FGGY: variants seen among roughly 807,000 people sequenced by gnomAD.
The protein encoded by FGGY is FGGY carbohydrate kinase domain-containing protein.
Under a neutral mutation model 71.3 loss-of-function variants are expected in FGGY, and 72 were observed. The observed-to-expected ratio is 1.01, with a 90% CI of 0.84 to 1.23. The LOEUF is 1.23. Among genes scored for constraint, FGGY ranks in the 50% most tolerant of loss-of-function variants. The pLI is 0.00. For missense variants in FGGY, 668 were observed against 682.3 expected (o/e 0.98, Z 0.23); for synonymous variants, 251 against 250.3 (o/e 1.00, Z -0.02).
At chr1:59,609,966 T>C (rs1386523137) in intron 9 of FGGY, among the ~76,000 whole-genome samples, 3 of 152,172 alleles carry the variant, frequency 2.0e-5, no homozygotes, top group Non-Finnish European at 4.4e-5. Context: ...CAGTAACCAG[T>C]GCTAGAAAAG....
At chr1:59,663,154 T>TG (rs2097293138) in intron 12 of FGGY, among the ~76,000 whole-genome samples, 1 of 152,188 alleles carries the variant, frequency 6.6e-6, no homozygotes, top group Admixed American at 6.5e-5. Context: ...TACTGGTAGC[T>TG]TAACACTGTA....
chr1:59,625,962 A>C, intron 9 of FGGY, 26 bp from the exon 10 acceptor site: 1 of 1,571,218 alleles, frequency 6.4e-7, no homozygotes, highest in Non-Finnish European at 8.6e-7. Context: ...AAGCTATAAA[A>C]TTGACCCATG....
At chr1:59,519,913 C>A (rs1204613949) in intron 7 of FGGY, among the ~76,000 whole-genome samples, 1 of 152,202 alleles carries the variant, frequency 6.6e-6, no homozygotes, top group Non-Finnish European at 1.5e-5. Context: ...TGGTTCTCAA[C>A]CAGGGGTGAT....
chr1:59,518,333 C>T (rs72666228), intron 7 of FGGY, among the ~76,000 whole-genome samples: 1 of 152,078 alleles, frequency 6.6e-6, no homozygotes, highest in Non-Finnish European at 1.5e-5. Flanking sequence ...CGATCTAAAG[C>T]CTGCGACTTT....
At position 59,323,074 on chromosome 1, in the gene FGGY, T is replaced by G. The variant is rs186605736; in HGVS notation, c.201+1324T>G. 2.0e-5 allele frequency among the ~76,000 whole-genome samples: 3 copies of G among 152,302 alleles called. 1 individual carries two copies. The South Asian group carries it at 6.2e-4, about 32-fold the overall frequency. On this transcript the variant is annotated intron_variant, in intron 2 of 15. Coordinates refer to ENST00000303721, the MANE Select transcript of FGGY (RefSeq NM_018291.5). The stretch of plus-strand genomic sequence containing the variant: ...GCATTATACAGGAATAAAAGAGGGA[T>G]GCATCTTCTCTTTTGCCCATTTAAT...
chr1:59,637,541 G>A lies in FGGY; in HGVS notation c.1074-687G>A, dbSNP rs151142718. On this transcript the variant is annotated intron_variant, in intron 10 of 15. Transcript: ENST00000303721. ...CGCTTGAATCTGGGAGGCGGAGGTT[G>A]TAGTGAGCCGAGATTGCACCATTGC... is the stretch of plus-strand genomic sequence containing the variant. Among the ~76,000 whole-genome samples, 48 of 152,240 alleles carry A rather than the reference G, an allele frequency of 3.2e-4. 2 individuals are homozygous for A. In the East Asian group the frequency reaches 9.1e-3, roughly 29 times the overall value.
chr1:59,509,447 T>C (rs2094467476), intron 6 of FGGY, among the ~76,000 whole-genome samples: 1 of 152,184 alleles, frequency 6.6e-6, no homozygotes, highest in Non-Finnish European at 1.5e-5. Flanking sequence ...CCTTTAGTGG[T>C]TTACAGTGGG....
chr1:59,548,362 C>G (rs537149194), intron 7 of FGGY, among the ~76,000 whole-genome samples: 3 of 152,268 alleles, frequency 2.0e-5, no homozygotes, highest in African/African-American at 7.2e-5. Flanking sequence ...TTCTGCAGGT[C>G]GTGGATGGCG....
intron 14 of FGGY, among the ~76,000 whole-genome samples, chr1:59,681,339 T>TC (rs1440131327): frequency 4.6e-5 from 7 of 151,996 alleles, no homozygotes; most frequent in African/African-American, 1.7e-4. Flanking sequence ...CTCTCTCACC[T>TC]CCCCCCACAA....
At chr1:59,686,623 A>T (rs1301481108) in intron 14 of FGGY, among the ~76,000 whole-genome samples, 1 of 152,120 alleles carries the variant, frequency 6.6e-6, no homozygotes, top group Non-Finnish European at 1.5e-5. Context: ...CTTAATGCTC[A>T]CAGAGTGTTC....
At chr1:59,434,056 C>G (rs1451188239) in intron 5 of FGGY, among the ~76,000 whole-genome samples, 1 of 152,218 alleles carries the variant, frequency 6.6e-6, no homozygotes, top group Non-Finnish European at 1.5e-5. Context: ...CCTGTCCTGT[C>G]TACCTCCATG....
intron 14 of FGGY, chr1:59,699,203 G>T (rs1017518555): frequency 1.0e-6 from 1 of 985,188 alleles, no homozygotes; most frequent in Non-Finnish European, 1.2e-6. Context: ...TTAGGAGAAA[G>T]AACAGTTCTG....
chr1:59,340,168 A>G, intron 3 of FGGY, 99 bp downstream of exon 3: 2 of 766,010 alleles, frequency 2.6e-6, no homozygotes, highest in East Asian at 5.4e-5. Context: ...CTTGCTGCTG[A>G]TAGTAAAATT....
rs74086272 is a variant in FGGY, at chr1:59,647,245, G to T, written c.1221+8870G>T. On this transcript the variant is annotated intron_variant, in intron 11 of 15. Coordinates refer to ENST00000303721, the MANE Select transcript of FGGY (RefSeq NM_018291.5). Reference sequence around the variant, plus strand: ...ACAACAGCAAGTATGGGCCAGAAGAGTTGTACAGACCAGCTTCGAGAAACA... The same window carrying T: ...ACAACAGCAAGTATGGGCCAGAAGATTTGTACAGACCAGCTTCGAGAAACA... Among the ~76,000 whole-genome samples, 539 of 152,290 alleles carry T rather than the reference G, an allele frequency of 3.5e-3. 4 individuals are homozygous for T. Among genetic ancestry groups the T allele is most frequent in the African/African-American group, 0.012 (515 of 41,566 alleles).
At chr1:59,568,456 C>CGGGGGGG (rs201361914) in intron 8 of FGGY, among the ~76,000 whole-genome samples, 1 of 17,348 alleles carries the variant, frequency 5.8e-5, no homozygotes, top group Admixed American at 1.2e-3. Flanking sequence ...ATTCTATGGT[C>CGGGGGGG]GGGGGGGCGG....
chr1:59,554,418 AG>A, intron 8 of FGGY, among the ~76,000 whole-genome samples, 191 bp downstream of exon 8: 1 of 152,130 alleles, frequency 6.6e-6, no homozygotes, highest in Non-Finnish European at 1.5e-5. Flanking sequence ...ATCTTTTTCC[AG>A]GGGCCAAATT....
At chr1:59,575,066 A>T (rs1473784434) in intron 8 of FGGY, among the ~76,000 whole-genome samples, 2 of 152,222 alleles carry the variant, frequency 1.3e-5, no homozygotes, top group African/African-American at 4.8e-5. Flanking sequence ...TAAAATGATT[A>T]AATCAAGCTT....
chr1:59,432,476 AG>A (rs145795607), intron 5 of FGGY, among the ~76,000 whole-genome samples: 10,106 of 152,246 alleles, frequency 0.066, 405 homozygotes, highest in African/African-American at 0.11. Context: ...CCCTTACTCC[AG>A]GTAGTTAGTT....
chr1:59,515,513 A>AG (rs2153636437), intron 7 of FGGY, among the ~76,000 whole-genome samples: 1 of 152,204 alleles, frequency 6.6e-6, no homozygotes. Flanking sequence ...GGGAGGGGCC[A>AG]GGGGCGGAAT....
Sources: allele counts gnomAD v4.1 joint callset (sites outside exome capture counted in the v4.1 genomes callset), GRCh38; gene constraint gnomAD v4.1.1; transcripts MANE v1.5; gene names NCBI Gene and HGNC (gene_info 2026-07-23, HGNC 2026-07-21).